Variants in ADHFE1 observed in about 807,000 individuals in gnomAD.
ADHFE1 encodes alcohol dehydrogenase iron containing 1, also known as hydroxyacid-oxoacid transhydrogenase, mitochondrial.
In ADHFE1, 37 loss-of-function variants were observed where a neutral mutation model predicts 54.8. The ratio of observed to expected loss-of-function variants is 0.68; its 90% CI spans 0.52 to 0.89. The LOEUF is 0.89. Among genes scored for constraint, ADHFE1 ranks in the 40% least tolerant of loss-of-function variants. The pLI is 0.00. For missense variants in ADHFE1, 601 were observed against 591.2 expected (o/e 1.02, Z -0.17); for synonymous variants, 203 against 229.3 (o/e 0.89, Z 1.04).
At chr8:66,450,118 C>T (rs1049460760) in intron 8 of ADHFE1, among the ~76,000 whole-genome samples, 9 of 152,218 alleles carry the variant, frequency 5.9e-5, no homozygotes, top group African/African-American at 1.9e-4. Context: ...GGTCTGCTTC[C>T]CTCACTATGT....
chr8:66,465,531 T>C (rs1332573461), intron 13 of ADHFE1, among the ~76,000 whole-genome samples: 2 of 152,202 alleles, frequency 1.3e-5, no homozygotes, highest in African/African-American at 4.8e-5. Flanking sequence ...TTTGGAGAAA[T>C]AACTAATCAA....
rs114602429 is a variant in ADHFE1, at chr8:66,437,707, G to C, written c.60-2455G>C. ...GGCACTTACTTGGTGCTAGCCACAG[G>C]GGATAAAGTTGTGAGAAACAGTAGA... is the stretch of plus-strand genomic sequence containing the variant. On this transcript the variant is annotated intron_variant, in intron 1 of 13. Transcript: ENST00000396623. 4.9e-3 allele frequency among the ~76,000 whole-genome samples: 752 copies of C among 152,296 alleles called. 4 individuals are homozygous for C. The highest frequency in any genetic ancestry group is 0.017 in the African/African-American group (719 of 41,562).
chr8:66,465,425 A>G (rs564211949), intron 13 of ADHFE1, among the ~76,000 whole-genome samples: 1 of 152,266 alleles, frequency 6.6e-6, no homozygotes, highest in East Asian at 1.9e-4. Context: ...TAATGGTGTG[A>G]AGTGGTATCT....
intron 13 of ADHFE1, among the ~76,000 whole-genome samples, chr8:66,465,849 C>T (rs530687441): frequency 8.7e-4 from 133 of 152,082 alleles, no homozygotes; most frequent in Non-Finnish European, 1.7e-3. Context: ...CCACCCGCCT[C>T]GGCCTCCCAA....
Position 66,454,740 on chromosome 8 carries a change from G to A in ADHFE1, c.986+583G>A, listed in dbSNP as rs192569191. The stretch of plus-strand genomic sequence containing the variant: ...TTTTTCTTTTTTTTTTTAAGATGGA[G>A]TCTCACTCTGTTGTCCAGACTGGAG... On this transcript the variant is annotated intron_variant, in intron 10 of 13. Coordinates refer to ENST00000396623, the MANE Select transcript of ADHFE1 (RefSeq NM_144650.3). Among the ~76,000 whole-genome samples, 4 of 150,498 alleles carry A rather than the reference G, an allele frequency of 2.7e-5. No individual in the cohort carries two copies. In the East Asian group the frequency reaches 7.8e-4, roughly 29 times the overall value.
At chr8:66,433,818 G>C (rs1178302317) in intron 1 of ADHFE1, among the ~76,000 whole-genome samples, 9 of 152,202 alleles carry the variant, frequency 5.9e-5, no homozygotes, top group Non-Finnish European at 5.9e-5. Flanking sequence ...ATATACATTA[G>C]ACATGCAGGG....
intron 8 of ADHFE1, among the ~76,000 whole-genome samples, chr8:66,450,434 C>G (rs1231302940): frequency 6.6e-6 from 1 of 152,150 alleles, no homozygotes; most frequent in Non-Finnish European, 1.5e-5. Context: ...AGGAATCTGC[C>G]CATAAGGCCC....
At chr8:66,455,009 G>A (rs1461766405) in intron 10 of ADHFE1, among the ~76,000 whole-genome samples, 1 of 152,136 alleles carries the variant, frequency 6.6e-6, no homozygotes, top group South Asian at 2.1e-4. Flanking sequence ...GAGCCACCAC[G>A]CCCAGCCTAC....
chr8:66,466,126 T>G (rs1807168244), intron 13 of ADHFE1, among the ~76,000 whole-genome samples: 1 of 151,250 alleles, frequency 6.6e-6, no homozygotes, highest in African/African-American at 2.4e-5. Context: ...TGGAGTGCAG[T>G]GGTGCAATCT....
At chr8:66,459,421 T>G (rs7830081) in intron 12 of ADHFE1, 95 of 109,510 alleles carry the variant, frequency 8.7e-4, no homozygotes, top group African/African-American at 3.4e-3. Flanking sequence ...TATATATATA[T>G]ATATATATAT....
intron 13 of ADHFE1, among the ~76,000 whole-genome samples, chr8:66,464,228 G>A (rs1456785555): frequency 6.6e-6 from 1 of 152,152 alleles, no homozygotes. Flanking sequence ...TTCTGAGAGA[G>A]TTTAGCTTTT....
In ADHFE1 at chr8:66,456,847, A is replaced by T; in HGVS notation, c.1017A>T (p.Leu339Phe). 6 of 1,608,988 alleles carry T rather than the reference A, an allele frequency of 3.7e-6. No homozygotes were observed. Among genetic ancestry groups the T allele is most frequent in the Non-Finnish European group, 5.1e-6 (6 of 1,177,876 alleles). The change falls in exon 11 of 14, where the codon TTA becomes TTT. Residue 339 changes from leucine to phenylalanine, a missense_variant. By Grantham distance (22) the Leu-to-Phe change is conservative (BLOSUM62 0). Transcript: ENST00000396623. ...GAATGTCTTACCCAATTTCAGGTTTAGTGAAGATGTATAAAGCAAAGGATT... is the reference window on the plus strand; with the variant it reads ...GAATGTCTTACCCAATTTCAGGTTTTGTGAAGATGTATAAAGCAAAGGATT... Reference protein sequence around the residue: ...CHGMSYPISGLVKMYKAKDYN... With the variant: ...CHGMSYPISGFVKMYKAKDYN...
chr8:66,462,015 C>A (rs1586488365), intron 13 of ADHFE1, among the ~76,000 whole-genome samples: 1 of 152,314 alleles, frequency 6.6e-6, no homozygotes, highest in East Asian at 1.9e-4. Context: ...TCCAAGCCTA[C>A]CAGCCTGTAA....
chr8:66,461,261 G>A (rs1274913847), intron 13 of ADHFE1, among the ~76,000 whole-genome samples: 1 of 152,158 alleles, frequency 6.6e-6, no homozygotes, highest in Non-Finnish European at 1.5e-5. Context: ...AGTCCTCTTG[G>A]CCAATATGGG....
rs2130454746 is a variant in ADHFE1 at position 66,457,084 on chromosome 8, T to G, written c.1080T>G (p.Ser360=). Residue 360 remains serine (S), a synonymous_variant, in exon 12 of 14, where the codon TCT becomes TCG. Transcript: ENST00000396623. The part of the protein sequence containing the change: ...VDHPLVPHGL[S]VVLTSPAVFT... Reference sequence around the variant, plus strand: ...TTTCTCCCCAGCCCCATGGCCTTTCTGTGGTGCTCACGTCCCCAGCGGTGT... The same window carrying G: ...TTTCTCCCCAGCCCCATGGCCTTTCGGTGGTGCTCACGTCCCCAGCGGTGT... 1 of 1,613,696 alleles carries G rather than the reference T, an allele frequency of 6.2e-7. No individual in the cohort carries two copies. The highest frequency in any genetic ancestry group is 8.5e-7 in the Non-Finnish European group (1 of 1,179,746).
intron 13 of ADHFE1, among the ~76,000 whole-genome samples, chr8:66,460,974 T>C (rs1806868936): frequency 1.3e-5 from 2 of 152,246 alleles, no homozygotes; most frequent in Admixed American, 6.5e-5. Context: ...TACATATCTG[T>C]GTCACTATGG....
At chr8:66,449,068 C>T (rs965542382) in intron 8 of ADHFE1, 98 bp downstream of exon 8, 36 of 1,030,948 alleles carry the variant, frequency 3.5e-5, no homozygotes, top group Non-Finnish European at 4.6e-5. Context: ...TTGATTAGCA[C>T]CCCACAACAT....
At chr8:66,438,015 T>C (rs1724187868) in intron 1 of ADHFE1, among the ~76,000 whole-genome samples, 1 of 152,152 alleles carries the variant, frequency 6.6e-6, no homozygotes, top group African/African-American at 2.4e-5. Flanking sequence ...GATGTTAATT[T>C]TTCCGGGAGC....
chr8:66,468,124 T>C (rs1345758344), intron 13 of ADHFE1, 145 bp from the exon 14 acceptor site: 3 of 560,484 alleles, frequency 5.4e-6, no homozygotes, highest in South Asian at 4.1e-5. Flanking sequence ...TCAACTCATA[T>C]GAAGTATACA....
Sources: allele counts gnomAD v4.1 joint callset (sites outside exome capture counted in the v4.1 genomes callset), GRCh38; gene constraint gnomAD v4.1.1; transcripts MANE v1.5; gene names NCBI Gene and HGNC (gene_info 2026-07-23, HGNC 2026-07-21).